Variants in MAML2 observed in about 807,000 individuals in gnomAD.
MAML2 encodes the protein mastermind like transcriptional coactivator 2.
A neutral mutation model predicts 96.1 loss-of-function variants in MAML2; 22 were observed. The observed-to-expected ratio is 0.23, with a 90% CI of 0.16 to 0.33. The LOEUF is 0.33. MAML2 is among the 10% of genes least tolerant of loss of function. The pLI, the probability that MAML2 is intolerant of heterozygous loss-of-function variation, is 1.00. For missense variants in MAML2, 1,367 were observed against 1,392.4 expected (o/e 0.98, Z 0.29); for synonymous variants, 561 against 521.3 (o/e 1.08, Z -1.04).
intron 1 of MAML2, among the ~76,000 whole-genome samples, chr11:96,108,759 A>G (rs143648887): frequency 2.6e-5 from 4 of 152,292 alleles, no homozygotes; most frequent in African/African-American, 4.8e-5. Context: ...CAGGCTGGAC[A>G]CAATGGCTCG....
chr11:96,073,543 A>G (rs1242621318), intron 2 of MAML2, among the ~76,000 whole-genome samples: 1 of 152,018 alleles, frequency 6.6e-6, no homozygotes, highest in East Asian at 1.9e-4. Context: ...GATGGTCTCG[A>G]TCTCTTGACC....
chr11:96,122,325 T>G (rs1205319670), intron 1 of MAML2, among the ~76,000 whole-genome samples: 1 of 151,188 alleles, frequency 6.6e-6, no homozygotes, highest in Admixed American at 6.6e-5. Context: ...TCCTCTAGGG[T>G]GATTCTCCAA....
chr11:95,998,141 A>AGTCAGTCTGTCT (rs369718219), intron 2 of MAML2, among the ~76,000 whole-genome samples: 9 of 143,544 alleles, frequency 6.3e-5, no homozygotes, highest in Admixed American at 3.5e-4. Context: ...TCTGTCTGTC[A>AGTCAGTCTGTCT]GTCTGTCTGT....
chr11:96,039,419 G>C (rs756088025), intron 2 of MAML2, among the ~76,000 whole-genome samples: 23 of 149,382 alleles, frequency 1.5e-4, no homozygotes, highest in Non-Finnish European at 3.4e-4. Flanking sequence ...AGGGGAGGAG[G>C]GAAGAGGAGA....
intron 2 of MAML2, among the ~76,000 whole-genome samples, chr11:96,070,329 CA>C (rs1472851185): frequency 1.3e-5 from 2 of 152,108 alleles, no homozygotes; most frequent in African/African-American, 4.8e-5. Context: ...TAAGGCATAA[CA>C]AAAACAGGGC....
intron 1 of MAML2, among the ~76,000 whole-genome samples, chr11:96,123,326 C>T (rs967465668): frequency 4.0e-5 from 6 of 151,592 alleles, no homozygotes; most frequent in African/African-American, 1.5e-4. Context: ...CACGTATCTG[C>T]CTGCTTCTAC....
At chr11:95,981,412 G>C (rs532865043) in intron 4 of MAML2, among the ~76,000 whole-genome samples, 3 of 152,206 alleles carry the variant, frequency 2.0e-5, no homozygotes, top group Non-Finnish European at 4.4e-5. Flanking sequence ...GAGGCCCAGA[G>C]AGTCAGAGAT....
At chr11:96,198,132 T>G (rs1243896279) in intron 1 of MAML2, among the ~76,000 whole-genome samples, 1 of 152,198 alleles carries the variant, frequency 6.6e-6, no homozygotes, top group African/African-American at 2.4e-5. Flanking sequence ...ATATGGAGAA[T>G]GGTCTGGATA....
At chr11:96,226,772 C>A (rs1187924662) in intron 1 of MAML2, among the ~76,000 whole-genome samples, 1 of 152,138 alleles carries the variant, frequency 6.6e-6, no homozygotes, top group Non-Finnish European at 1.5e-5. Context: ...TATTCTTATT[C>A]TTTACTATAA....
At chr11:96,302,813 T>C (rs527457286) in intron 1 of MAML2, among the ~76,000 whole-genome samples, 1 of 152,338 alleles carries the variant, frequency 6.6e-6, no homozygotes, top group East Asian at 1.9e-4. Flanking sequence ...AGCACATCTA[T>C]TGTAATTCAG....
chr11:96,149,332 G>A (rs553593839), intron 1 of MAML2, among the ~76,000 whole-genome samples: 1 of 148,946 alleles, frequency 6.7e-6, no homozygotes, highest in African/African-American at 2.5e-5. Context: ...CAGGAGAATT[G>A]CTTGAACTCA....
intron 1 of MAML2, among the ~76,000 whole-genome samples, chr11:96,202,069 C>T (rs989872019): frequency 2.5e-4 from 38 of 149,790 alleles, no homozygotes; most frequent in African/African-American, 3.9e-4. Flanking sequence ...CATGGTGGCT[C>T]GCGCCTGTAA....
intron 1 of MAML2, among the ~76,000 whole-genome samples, chr11:96,190,610 C>A (rs149161800): frequency 1.3e-3 from 194 of 152,192 alleles, no homozygotes; most frequent in South Asian, 2.7e-3. Flanking sequence ...GGAACTGGGG[C>A]CAATAAAAAT....
At chr11:95,992,503 T>C (rs543620771) in intron 2 of MAML2, among the ~76,000 whole-genome samples, 55 of 152,298 alleles carry the variant, frequency 3.6e-4, no homozygotes, top group South Asian at 1.7e-3. Context: ...CCCAGTTGAA[T>C]ATTCTCATTA....
Position 96,337,145 on chromosome 11 carries a change from C to CT in MAML2, c.513+4237dup, listed in dbSNP as rs149019611. 8.7e-3 allele frequency among the ~76,000 whole-genome samples: 1,308 copies of CT among 151,062 alleles called. 18 individuals carry two copies. The highest frequency in any genetic ancestry group is 0.029 in the African/African-American group (1,191 of 41,176). On this transcript the variant is annotated intron_variant, in intron 1 of 4. Coordinates refer to ENST00000524717, the MANE Select transcript of MAML2 (RefSeq NM_032427.4). ...AGGTCCTAGATAGATAAGAATTCTC[C>CT]TTTTTTTTTACTTTGTTCTAGAAAA...
At chr11:96,068,097 T>G (rs150006110) in intron 2 of MAML2, among the ~76,000 whole-genome samples, 5 of 152,220 alleles carry the variant, frequency 3.3e-5, no homozygotes, top group Admixed American at 6.5e-5. Context: ...CTTAATGTAG[T>G]TAAATGTCAA....
At chr11:96,328,271 A>T (rs543607971) in intron 1 of MAML2, among the ~76,000 whole-genome samples, 4 of 152,226 alleles carry the variant, frequency 2.6e-5, no homozygotes, top group African/African-American at 9.6e-5. Flanking sequence ...GCCATGTTGC[A>T]TAACACCAAG....
At chr11:96,142,604 TATA>T (rs1860753422) in intron 1 of MAML2, among the ~76,000 whole-genome samples, 1 of 152,242 alleles carries the variant, frequency 6.6e-6, no homozygotes, top group Non-Finnish European at 1.5e-5. Flanking sequence ...TTCTTTGCCC[TATA>T]TTTTGCACTT....
intron 1 of MAML2, among the ~76,000 whole-genome samples, chr11:96,148,997 A>T (rs1204826083): frequency 6.6e-6 from 1 of 151,968 alleles, no homozygotes; most frequent in Admixed American, 6.6e-5. Flanking sequence ...GGCATCTTAA[A>T]CCTCGTCACT....
Sources: allele counts gnomAD v4.1 joint callset (sites outside exome capture counted in the v4.1 genomes callset), GRCh38; gene constraint gnomAD v4.1.1; transcripts MANE v1.5; gene names NCBI Gene and HGNC (gene_info 2026-07-23, HGNC 2026-07-21).